PALLD: variants seen among roughly 807,000 people sequenced by gnomAD.
PALLD encodes palladin, cytoskeletal associated protein, also known as palladin.
In PALLD, 61 loss-of-function variants were observed where a neutral mutation model predicts 123.5. The observed-to-expected ratio is 0.49, with a 90% CI of 0.40 to 0.61. PALLD has a LOEUF of 0.61. Ranked by LOEUF, PALLD falls within the 20% of genes least tolerant of loss-of-function variation. The pLI, the probability that PALLD is intolerant of heterozygous loss-of-function variation, is 0.00. For missense variants in PALLD, 1,273 were observed against 1,377.0 expected, an observed-to-expected ratio of 0.92 and a Z score of 1.20; for synonymous variants, 465 against 496.4, an observed-to-expected ratio of 0.94 and a Z score of 0.84.
At chr4:168,542,717 C>CATATATATATATATATAT (rs70961531) in intron 2 of PALLD, among the ~76,000 whole-genome samples, 10 of 88,946 alleles carry the variant, frequency 1.1e-4, no homozygotes, top group Non-Finnish European at 1.9e-4. Flanking sequence ...CTAACCTTTC[C>CATATATATATATATATAT]ATATATATAT....
At chr4:168,722,386 A>G (rs1786109019) in intron 10 of PALLD, among the ~76,000 whole-genome samples, 1 of 152,232 alleles carries the variant, frequency 6.6e-6, no homozygotes, top group East Asian at 1.9e-4. Flanking sequence ...TTTACAGTAT[A>G]ATCCATACAA....
rs192561307 is a variant in PALLD at position 168,812,471 on chromosome 4, G to A, written c.1965-78451G>A. On this transcript the variant is annotated intron_variant, in intron 10 of 21. Coordinates refer to ENST00000505667, the MANE Select transcript of PALLD (RefSeq NM_001166108.2). ...TCTGCCTGGAGAGACAAGGAGCACAGCATCTATGGAACAGGGAGTTGGGCA... is the reference window on the plus strand; with the variant it reads ...TCTGCCTGGAGAGACAAGGAGCACAACATCTATGGAACAGGGAGTTGGGCA... 1.3e-3 allele frequency among the ~76,000 whole-genome samples: 193 copies of A among 152,350 alleles called. No individual in the cohort carries two copies. In the Middle Eastern group the frequency reaches 0.024, roughly 19 times the overall value.
rs181220605 is a variant in PALLD at position 168,741,895 on chromosome 4, C to T, written c.1964+29972C>T. On this transcript the variant is annotated intron_variant, in intron 10 of 21. Coordinates refer to ENST00000505667, the MANE Select transcript of PALLD (RefSeq NM_001166108.2). ...GAGCGAAGGAACCAGTCTTCATTGA[C>T]AGCTGACTTTATTTTTCGATTTGTC... is the stretch of plus-strand genomic sequence containing the variant. Among the ~76,000 whole-genome samples, 228 of 152,290 alleles carry T rather than the reference C, an allele frequency of 1.5e-3. 1 individual carries two copies. Among genetic ancestry groups the T allele is most frequent in the African/African-American group, 5.2e-3 (216 of 41,562 alleles).
chr4:168,857,874 T>C (rs7682426), intron 10 of PALLD, among the ~76,000 whole-genome samples: 55,634 of 152,118 alleles, frequency 0.37, 14,702 homozygotes, highest in African/African-American at 0.75. Flanking sequence ...TATCCAAAAA[T>C]ATATAGAAAG....
intron 2 of PALLD, among the ~76,000 whole-genome samples, chr4:168,597,516 C>G (rs1772116347): frequency 6.6e-6 from 1 of 151,914 alleles, no homozygotes; most frequent in Admixed American, 6.6e-5. Context: ...TGATGTACTG[C>G]CTGGCATAGC....
intron 2 of PALLD, among the ~76,000 whole-genome samples, chr4:168,575,598 G>A (rs1474878314): frequency 1.3e-5 from 2 of 152,014 alleles, no homozygotes; most frequent in Non-Finnish European, 2.9e-5. Flanking sequence ...ACTTGGGGAT[G>A]AAGAATTGGC....
intron 10 of PALLD, chr4:168,877,730 C>G (rs1751950099): frequency 5.2e-6 from 6 of 1,151,094 alleles, no homozygotes; most frequent in Non-Finnish European, 6.4e-6. Flanking sequence ...CAGGGACCCT[C>G]TGAAGCTCCA....
chr4:168,837,844 C>T (rs147318705), intron 10 of PALLD, among the ~76,000 whole-genome samples: 56 of 152,228 alleles, frequency 3.7e-4, no homozygotes, highest in Middle Eastern at 3.4e-3. Context: ...ACAAATATGC[C>T]GAAATCCTTG....
intron 2 of PALLD, chr4:168,648,190 T>A (rs1295022307): frequency 1.3e-5 from 2 of 152,144 alleles, no homozygotes; most frequent in East Asian, 3.8e-4. Context: ...TCTGCTTTTC[T>A]TACTCACCAG....
intron 2 of PALLD, among the ~76,000 whole-genome samples, chr4:168,655,116 T>A (rs17054439): frequency 3.9e-5 from 6 of 152,150 alleles, no homozygotes; most frequent in African/African-American, 1.5e-4. Flanking sequence ...TCCTTCTACC[T>A]CTAATGTTTC....
chr4:168,764,856 C>G (rs966090731), intron 10 of PALLD, among the ~76,000 whole-genome samples: 1 of 152,146 alleles, frequency 6.6e-6, no homozygotes, highest in Admixed American at 6.5e-5. Flanking sequence ...TAAACAACAC[C>G]TTTGTCAGCT....
intron 10 of PALLD, among the ~76,000 whole-genome samples, chr4:168,808,012 T>C (rs1057286860): frequency 2.6e-5 from 4 of 151,974 alleles, no homozygotes; most frequent in Non-Finnish European, 1.5e-5. Flanking sequence ...GGCCCAGAGA[T>C]TTTGTTTTAA....
chr4:168,771,475 C>G (rs4692948), intron 10 of PALLD, among the ~76,000 whole-genome samples: 1 of 151,950 alleles, frequency 6.6e-6, no homozygotes, highest in Non-Finnish European at 1.5e-5. Flanking sequence ...CCAATTGTTG[C>G]TCAATAATGT....
intron 2 of PALLD, among the ~76,000 whole-genome samples, chr4:168,572,045 G>A (rs10018106): frequency 0.71 from 107,828 of 151,988 alleles, 38,646 homozygotes; most frequent in East Asian, 0.91. Context: ...CTTGGCCCTT[G>A]TAATACCTGA....
chr4:168,547,674 G>T (rs914167974), intron 2 of PALLD, among the ~76,000 whole-genome samples: 4 of 151,484 alleles, frequency 2.6e-5, no homozygotes, highest in Admixed American at 6.6e-5. Context: ...GCGTGGCCAG[G>T]CACAGTGGCT....
chr4:168,770,409 G>C (rs540535344), intron 10 of PALLD, among the ~76,000 whole-genome samples: 1 of 152,088 alleles, frequency 6.6e-6, no homozygotes, highest in South Asian at 2.1e-4. Flanking sequence ...TGCACCCGTG[G>C]GTAGCTCTCC....
intron 10 of PALLD, among the ~76,000 whole-genome samples, chr4:168,884,895 G>A (rs916466675): frequency 3.3e-5 from 5 of 152,132 alleles, no homozygotes; most frequent in African/African-American, 1.2e-4. Flanking sequence ...TAAGTGTTTA[G>A]TACACATTAG....
chr4:168,897,740 A>C (rs992242126), intron 13 of PALLD, among the ~76,000 whole-genome samples: 1 of 152,204 alleles, frequency 6.6e-6, no homozygotes, highest in Non-Finnish European at 1.5e-5. Flanking sequence ...GGCATGAGCC[A>C]CTGTACCTGG....
At chr4:168,551,396 C>T (rs1766713175) in intron 2 of PALLD, among the ~76,000 whole-genome samples, 1 of 152,074 alleles carries the variant, frequency 6.6e-6, no homozygotes. Flanking sequence ...CATAAGGATT[C>T]CAGGAGTATA....
Sources: allele counts gnomAD v4.1 joint callset (sites outside exome capture counted in the v4.1 genomes callset), GRCh38; gene constraint gnomAD v4.1.1; transcripts MANE v1.5; gene names NCBI Gene and HGNC (gene_info 2026-07-23, HGNC 2026-07-21).